HPS4: variants seen among roughly 807,000 people sequenced by gnomAD.
The protein encoded by HPS4 is HPS4 biogenesis of lysosomal organelles complex 3 subunit 2.
In HPS4, 44 loss-of-function variants were observed where a neutral mutation model predicts 70.3. The ratio of observed to expected loss-of-function variants is 0.63; its 90% confidence interval spans 0.49 to 0.80. The LOEUF (loss-of-function observed/expected upper bound fraction) is 0.80, where lower values mean the gene tolerates loss of function less well. Ranked by LOEUF, HPS4 falls within the 30% of genes least tolerant of loss-of-function variation. The pLI is 0.00. For missense variants in HPS4, 873 were observed against 884.4 expected, an observed-to-expected ratio of 0.99 and a Z score of 0.16; for synonymous variants, 377 against 355.9, an observed-to-expected ratio of 1.06 and a Z score of -0.67.
chr22:26,452,605 C>T lies in HPS4; in HGVS notation c.*628G>A. The T allele has an allele frequency of 3.4e-6, 1 of 298,254 alleles. No individual in the cohort carries two copies. Among genetic ancestry groups the T allele is most frequent in the South Asian group, 2.9e-5 (1 of 34,114 alleles). The allele number at this position is 298,254 out of a possible 1,614,324, so 18.5% of individuals were successfully genotyped here. ...CAAACTCCCTTCCATATTATTAAGG[C>T]TTGCCCCCATTGTGGGTCCAAAGAA... On this transcript the variant is annotated 3_prime_UTR_variant, in exon 14 of 14. Transcript: ENST00000398145.
intron 3 of HPS4, 95 bp from the exon 4 acceptor site, chr22:26,477,231 G>T: frequency 7.6e-7 from 1 of 1,320,238 alleles, no homozygotes; most frequent in Non-Finnish European, 1.1e-6. Context: ...GCCAAATCCA[G>T]TCTGTTACCC....
At position 26,451,996 on chromosome 22, in the gene HPS4, GCGCGCGCGCACACACACA is replaced by G. The variant is rs1227316782; in HGVS notation, c.*1219_*1236del. On this transcript the variant is annotated 3_prime_UTR_variant, in exon 14 of 14. Transcript: ENST00000398145. ...GGATGCGCCCACGTTACGCGCGCGC[GCGCGCGCGCACACACACA>G]CACACACACACACACACACACACAC... The G allele has an allele frequency of 0.071, 2,860 of 40,430 alleles. 82 individuals carry two copies. Among genetic ancestry groups the G allele is most frequent in the African/African-American group, 0.14 (2,607 of 18,284 alleles). 2.5% of individuals were successfully genotyped at this position (40,430 alleles called of 1,614,324 possible).
At chr22:26,478,496 G>A (rs12159239) in intron 3 of HPS4, among the ~76,000 whole-genome samples, 11,868 of 150,896 alleles carry the variant, frequency 0.079, 520 homozygotes, top group Middle Eastern at 0.12. Context: ...GCATGAACCC[G>A]GGAGGTGGAG....
intron 6 of HPS4, 123 bp downstream of exon 6, chr22:26,472,176 ATGG>A (rs2089914486): frequency 2.6e-6 from 2 of 763,682 alleles, no homozygotes; most frequent in Admixed American, 3.5e-5. Context: ...CTGCCGTGTC[ATGG>A]CCCTGCCTGA....
At chr22:26,473,033 C>CA (rs1569106405) in intron 4 of HPS4, 94 bp from the exon 5 acceptor site, 2 of 1,027,560 alleles carry the variant, frequency 1.9e-6, no homozygotes, top group East Asian at 4.8e-5. Flanking sequence ...TACCTGACTT[C>CA]ACTGGCCCAT....
In HPS4 at chr22:26,470,761, C is replaced by G; in HGVS notation, c.554G>C (p.Arg185Pro). Residue 185 changes from arginine to proline, a missense_variant, in exon 7 of 14, where the codon CGC (arginine) becomes CCC (proline). Coordinates refer to ENST00000398145, the MANE Select transcript of HPS4 (RefSeq NM_022081.6). ...GCAGCCAGCGAGAATGTGAGGCGAGCGCTGGCAGGTCTGCAGAATGCGGGC... is the reference window on the plus strand; with the variant it reads ...GCAGCCAGCGAGAATGTGAGGCGAGGGCTGGCAGGTCTGCAGAATGCGGGC... ...KAARILQTCQ[R>P]SPHILAGCIL... The G allele has an allele frequency of 6.2e-7, 1 of 1,614,152 alleles. No homozygotes were observed. Among genetic ancestry groups the G allele is most frequent in the Non-Finnish European group, 8.5e-7 (1 of 1,180,024 alleles).
In HPS4 at chr22:26,481,743, G is replaced by C. The variant is rs781358501; in HGVS notation, c.20C>G (p.Thr7Arg). The C allele has an allele frequency of 6.2e-6, 10 of 1,614,046 alleles. No individual in the cohort carries two copies. The East Asian group carries it at 2.0e-4, about 32-fold the overall frequency. ...TCACCACGAGGCTGACTTTGCCTCT[G>C]TGGAGGTAGAGGTGGCCATCTACTG... is the stretch of plus-strand genomic sequence containing the variant. MATSTSTEAKSASWWNY... is the reference protein window; with the variant it reads MATSTSREAKSASWWNY... Residue 7 changes from threonine to arginine, a missense_variant, in exon 2 of 14, where the codon ACA (threonine) becomes AGA (arginine). Transcript: ENST00000398145.
Position 26,463,950 on chromosome 22 carries a change from C to T in HPS4, c.1680G>A (p.Pro560=), listed in dbSNP as rs527653764. Residue 560 remains proline (P), a synonymous_variant, in exon 11 of 14, where the codon CCG becomes CCA. Coordinates refer to ENST00000398145, the MANE Select transcript of HPS4 (RefSeq NM_022081.6). ...CTATGGCTGCGCTGTCTCCCAGCAG[C>T]GGCTCCTCAGCCAGCAGGGACAGCA... The part of the protein sequence containing the change: ...GLVLSLLAEE[P]LLGDSAAIEE... 258 of 1,613,920 alleles carry T rather than the reference C, an allele frequency of 1.6e-4. No homozygotes were observed. The highest frequency in any genetic ancestry group is 2.0e-4 in the Non-Finnish European group (234 of 1,180,034).
chr22:26,477,931 T>C (rs189416755), intron 3 of HPS4, among the ~76,000 whole-genome samples: 7 of 152,206 alleles, frequency 4.6e-5, no homozygotes, highest in Admixed American at 6.5e-5. Flanking sequence ...TAAAAGGACT[T>C]AAAATACAAA....
downstream of HPS4, among the ~76,000 whole-genome samples, chr22:26,448,677 C>CTT (rs1273726682): frequency 2.0e-5 from 3 of 152,220 alleles, no homozygotes; most frequent in African/African-American, 7.2e-5. Flanking sequence ...GATTCCAAAG[C>CTT]ACTCTCTGGG....
rs764311091 is a variant in HPS4, at chr22:26,477,013, C to T, written c.256G>A (p.Val86Ile). 7.4e-6 allele frequency: 12 copies of T among 1,614,098 alleles called. No individual in the cohort carries two copies. The Admixed American group carries it at 8.3e-5, about 11-fold the overall frequency. ...CTTACCCAAAGGTAATCTCCATCAA[C>T]TTTTATGGCAAACTTCAGTTTTCTC... is the stretch of plus-strand genomic sequence containing the variant. ...RLRKLKFAIK[V>I]DGDYLWVLGC... The change falls in exon 4 of 14, where the codon GTT becomes ATT. Residue 86 changes from valine (V) to isoleucine (I), a missense_variant. By Grantham distance (29) the Val-to-Ile change is conservative (BLOSUM62 3). Transcript: ENST00000398145.
chr22:26,457,782 G>T, intron 13 of HPS4, 77 bp downstream of exon 13: 2 of 1,047,194 alleles, frequency 1.9e-6, no homozygotes, highest in Non-Finnish European at 1.5e-6. Context: ...GGAATAAGGC[G>T]CTGCCTGGGC....
intron 4 of HPS4, among the ~76,000 whole-genome samples, 194 bp from the exon 5 acceptor site, chr22:26,473,133 A>G (rs1197645686): frequency 1.3e-5 from 2 of 152,116 alleles, no homozygotes; most frequent in African/African-American, 2.4e-5. Context: ...ACCTCAATTC[A>G]TGTTTTCCAA....
chr22:26,458,019 TC>T (rs2146360674), intron 12 of HPS4, 52 bp from the exon 13 acceptor site: 1 of 1,369,254 alleles, frequency 7.3e-7, no homozygotes. Context: ...CCTTCTGCCC[TC>T]CCACCCCATG....
chr22:26,461,825 T>C (rs1029052394), intron 11 of HPS4, among the ~76,000 whole-genome samples: 2 of 152,168 alleles, frequency 1.3e-5, no homozygotes, highest in Admixed American at 6.5e-5. Context: ...AGTCACTCCA[T>C]ACTAGAAAAG....
rs927860701 is a variant in HPS4 at position 26,453,604 on chromosome 22, A to G, written c.1956-200T>C. The G allele has an allele frequency of 2.1e-4, 135 of 640,078 alleles. 2 individuals carry two copies. In the Admixed American group the frequency reaches 3.0e-3, roughly 14 times the overall value. 39.6% of individuals were successfully genotyped at this position (640,078 alleles called of 1,614,324 possible). On this transcript the variant is annotated intron_variant, in intron 13 of 13. Coordinates refer to ENST00000398145, the MANE Select transcript of HPS4 (RefSeq NM_022081.6). ...TACCATCTTTCCTTCCTTTCAGCTC[A>G]CTAGATGCTGGAAGAGTCCGTGGCG...
In HPS4 at chr22:26,465,503, T is replaced by C. The variant is rs141567957; in HGVS notation, c.755A>G (p.Lys252Arg). 11 of 1,614,046 alleles carry C rather than the reference T, an allele frequency of 6.8e-6. No individual in the cohort carries two copies. Among genetic ancestry groups the C allele is most frequent in the Non-Finnish European group, 9.3e-6 (11 of 1,180,010 alleles). Residue 252 changes from lysine (K) to arginine (R), a missense_variant, in exon 10 of 14, where the codon AAA (lysine) becomes AGA (arginine). By Grantham distance (26) the Lys-to-Arg change is conservative. Transcript: ENST00000398145. ...CTCGTGGAGACTAATGGCTTCCTCT[T>C]TGGTCACAAAAACAGGGATAATCTG... ...NVQIIPVFVT[K>R]EEAISLHEFP...
chr22:26,465,989 T>C (rs1367416048), intron 9 of HPS4: 4 of 1,349,592 alleles, frequency 3.0e-6, no homozygotes, highest in Middle Eastern at 1.8e-4. Context: ...AGTCTCACAA[T>C]ATGAAGTTAA....
At chr22:26,445,951 C>T (rs993484639), downstream of HPS4, among the ~76,000 whole-genome samples, 1 of 152,124 alleles carries the variant, frequency 6.6e-6, no homozygotes, top group East Asian at 1.9e-4. Context: ...GCCGGGCTGC[C>T]GCATGTTTCC....
Sources: gnomAD v4.1 joint callset for allele counts (sites outside exome capture counted in the v4.1 genomes callset) on GRCh38, gnomAD v4.1.1 for gene constraint, MANE v1.5 for transcripts, NCBI Gene and HGNC (gene_info 2026-07-23, HGNC 2026-07-21) for gene names.